TACC2: variants seen among roughly 807,000 people sequenced by gnomAD.
The protein encoded by TACC2 is transforming acidic coiled-coil-containing protein 2.
TACC2 carries 137 observed loss-of-function variants against 227.3 expected under a neutral mutation model. The observed-to-expected ratio is 0.60, with a 90% CI of 0.52 to 0.69. TACC2 has a LOEUF of 0.69. Ranked by LOEUF, TACC2 falls within the 30% of genes least tolerant of loss-of-function variation. The pLI, the probability that TACC2 is intolerant of heterozygous loss-of-function variation, is 0.00. For missense variants in TACC2, 3,470 were observed against 3,694.4 expected, an observed-to-expected ratio of 0.94 and a Z score of 1.57; for synonymous variants, 1,523 against 1,487.5, an observed-to-expected ratio of 1.02 and a Z score of -0.55.
At chr10:122,129,900 G>A (rs1025095199) in intron 5 of TACC2, among the ~76,000 whole-genome samples, 1 of 152,210 alleles carries the variant, frequency 6.6e-6, no homozygotes, top group Non-Finnish European at 1.5e-5. Flanking sequence ...TAGTCCAATC[G>A]TATTGAGAGG....
Position 122,132,702 on chromosome 10 carries a change from T to C in TACC2, c.5667T>C (p.Val1889=). Residue 1889 remains valine, a synonymous_variant, in exon 6 of 23, where the codon GTT becomes GTC. Transcript: ENST00000369005. ...CCTCTTCCTACCACGGTGATGTTGTTGGCCAGGTCTCTACGGATCTGATAG... is the reference window on the plus strand; with the variant it reads ...CCTCTTCCTACCACGGTGATGTTGTCGGCCAGGTCTCTACGGATCTGATAG... ...LAASSYHGDV[V]GQVSTDLIAQ... The C allele has an allele frequency of 6.2e-7, 1 of 1,614,176 alleles. No individual in the cohort carries two copies. Among genetic ancestry groups the C allele is most frequent in the Non-Finnish European group, 8.5e-7 (1 of 1,180,020 alleles).
chr10:122,184,802 G>GT (rs965677759), intron 7 of TACC2, among the ~76,000 whole-genome samples: 13 of 151,680 alleles, frequency 8.6e-5, no homozygotes, highest in African/African-American at 2.4e-4. Context: ...AATTTGCTGG[G>GT]TTTTTTTTCC....
At position 122,248,680 on chromosome 10, in the gene TACC2, G is replaced by A. The variant is rs2096184188; in HGVS notation, c.8430G>A (p.Thr2810=). ...GAGAGAAGTCAGTCTCCCACCAGAC[G>A]GTGCAGCAGCTGGTTCTGGAGAAGG... ...EQREKSVSHQ[T]VQQLVLEKEQ... Residue 2810 remains threonine (T), a synonymous_variant, in exon 20 of 23, where the codon ACG becomes ACA. Coordinates refer to ENST00000369005, the MANE Select transcript of TACC2 (RefSeq NM_206862.4). 3.1e-6 allele frequency: 5 copies of A among 1,613,712 alleles called. No homozygotes were observed. Among genetic ancestry groups the A allele is most frequent in the South Asian group, 2.2e-5 (2 of 91,044 alleles).
chr10:122,101,915 A>C (rs1592017519), intron 5 of TACC2, among the ~76,000 whole-genome samples: 1 of 151,820 alleles, frequency 6.6e-6, no homozygotes, highest in Middle Eastern at 3.2e-3. Context: ...AAAAAGGCAG[A>C]GTCTCAGGTG....
At chr10:122,077,877 T>C (rs1332213166) in intron 3 of TACC2, among the ~76,000 whole-genome samples, 1 of 151,978 alleles carries the variant, frequency 6.6e-6, no homozygotes, top group East Asian at 1.9e-4. Context: ...CAGGCTGTTG[T>C]GTGGATTAAG....
chr10:122,085,573 TC>T lies in TACC2; in HGVS notation c.3077del (p.Pro1026HisfsTer5), dbSNP rs778887227. The T allele has an allele frequency of 1.5e-5, 24 of 1,613,128 alleles. No individual in the cohort carries two copies. Among genetic ancestry groups the T allele is most frequent in the Non-Finnish European group, 2.0e-5 (24 of 1,180,036 alleles). ...AGCTTCTGAAGCAGCTGATGGTTGT[TC>T]CCCACTCTGGGGCTTGAGTAAGAGG... is the stretch of plus-strand genomic sequence containing the variant. ...PGASEAADGC[S>X]PLWGLSKREM... On this transcript the variant is annotated frameshift_variant, in exon 4 of 23. Coordinates refer to ENST00000369005, the MANE Select transcript of TACC2 (RefSeq NM_206862.4). LOFTEE classifies it high-confidence loss of function.
Position 122,038,033 on chromosome 10 carries a change from A to G in TACC2, c.34-12405A>G, listed in dbSNP as rs147502985. On this transcript the variant is annotated intron_variant, in intron 2 of 22. Transcript: ENST00000369005. ...AGTCACTCACCACTTGTACAGTCCA[A>G]TTAACAAGAGCTACAGGAGTTTGAG... Among the ~76,000 whole-genome samples the G allele has an allele frequency of 5.7e-3, 873 of 152,320 alleles. 7 individuals carry two copies. Among genetic ancestry groups the G allele is most frequent in the African/African-American group, 0.02 (824 of 41,568 alleles).
At chr10:122,128,876 GTCTC>G (rs146242546) in intron 5 of TACC2, among the ~76,000 whole-genome samples, 3 of 150,062 alleles carry the variant, frequency 2.0e-5, no homozygotes, top group South Asian at 2.1e-4. Flanking sequence ...TGCTTGCGCT[GTCTC>G]TCTCTCTCTC....
Position 122,085,945 on chromosome 10 carries a change from A to G in TACC2, c.3445A>G (p.Lys1149Glu), listed in dbSNP as rs780069470. ...GDPGKQQAPE[K>E]PGEATLSCGL... Reference sequence around the variant, plus strand: ...CCCAGGAAAGCAGCAGGCTCCGGAGAAACCTGGAGAAGCTACTTTGAGTTG... The same window carrying G: ...CCCAGGAAAGCAGCAGGCTCCGGAGGAACCTGGAGAAGCTACTTTGAGTTG... The change falls in exon 4 of 23, where the codon AAA becomes GAA. Residue 1149 changes from lysine to glutamate, a missense_variant. Lys to Glu is a moderately conservative substitution (Grantham distance 56). Coordinates refer to ENST00000369005, the MANE Select transcript of TACC2 (RefSeq NM_206862.4). 1 of 1,613,514 alleles carries G rather than the reference A, an allele frequency of 6.2e-7. No homozygotes were observed. Among genetic ancestry groups the G allele is most frequent in the South Asian group, 1.1e-5 (1 of 91,052 alleles).
At chr10:122,234,176 C>T (rs1256412600) in intron 16 of TACC2, among the ~76,000 whole-genome samples, 2 of 152,302 alleles carry the variant, frequency 1.3e-5, no homozygotes, top group East Asian at 1.9e-4. Flanking sequence ...CAGTGCTAGC[C>T]CCTCCCCTCC....
chr10:122,143,773 CT>C, intron 7 of TACC2, 67 bp downstream of exon 7: 2 of 1,561,328 alleles, frequency 1.3e-6, no homozygotes, highest in East Asian at 2.3e-5. Context: ...TCTCTGCCCC[CT>C]AGGTCTTGGG....
intron 5 of TACC2, among the ~76,000 whole-genome samples, chr10:122,094,985 G>A (rs2081224916): frequency 6.6e-6 from 1 of 152,174 alleles, no homozygotes; most frequent in Non-Finnish European, 1.5e-5. Context: ...ACTCTAGCTG[G>A]TGAGAGCTGC....
rs780903530 is a variant in TACC2 at position 122,216,674 on chromosome 10, G to A, written c.7392G>A (p.Ala2464=). Residue 2464 remains alanine (A), a synonymous_variant, in exon 11 of 23, where the codon GCG becomes GCA. Coordinates refer to ENST00000369005, the MANE Select transcript of TACC2 (RefSeq NM_206862.4). ...ATPETPPVIS[A]VVHATDEEKL... ...CAGAAACACCACCAGTGATCTCTGC[G>A]GTGGTCCACGCCACAGATGAGGAAA... The A allele has an allele frequency of 6.2e-6, 10 of 1,613,936 alleles. No homozygotes were observed. The highest frequency in any genetic ancestry group is 5.3e-5 in the African/African-American group (4 of 74,882).
chr10:122,167,355 AGAG>A (rs1282326766), intron 7 of TACC2, among the ~76,000 whole-genome samples: 2 of 152,258 alleles, frequency 1.3e-5, no homozygotes, highest in African/African-American at 4.8e-5. Context: ...GGGGGAGGGA[AGAG>A]AAGAGACAGT....
At chr10:122,030,328 T>C (rs7920239) in intron 2 of TACC2, among the ~76,000 whole-genome samples, 3,549 of 152,230 alleles carry the variant, frequency 0.023, 120 homozygotes, top group African/African-American at 0.076. Flanking sequence ...CAGAGACTCA[T>C]AGAAATGGAA....
rs1259307035 is a variant in TACC2 at position 122,062,142 on chromosome 10, T to G, written c.146+11592T>G. 2.0e-5 allele frequency among the ~76,000 whole-genome samples: 3 copies of G among 147,794 alleles called. No homozygotes were observed. The Admixed American group carries it at 2.1e-4, about 10-fold the overall frequency. On this transcript the variant is annotated intron_variant, in intron 3 of 22. Coordinates refer to ENST00000369005, the MANE Select transcript of TACC2 (RefSeq NM_206862.4). ...CCGCCTCCCTGGGTTCACTCCATTC[T>G]CTGCCTCAGCCTCCTGAGTAGCTGG...
chr10:122,191,764 GACA>G (rs1373704732), intron 7 of TACC2, among the ~76,000 whole-genome samples: 1 of 152,218 alleles, frequency 6.6e-6, no homozygotes, highest in African/African-American at 2.4e-5. Flanking sequence ...AGATTGTAAT[GACA>G]ACATTTCTCT....
At chr10:122,166,028 C>G (rs568960436) in intron 7 of TACC2, among the ~76,000 whole-genome samples, 2 of 152,286 alleles carry the variant, frequency 1.3e-5, no homozygotes, top group African/African-American at 4.8e-5. Context: ...AATGCATGCA[C>G]GTGAATAATA....
intron 1 of TACC2, among the ~76,000 whole-genome samples, chr10:122,011,778 A>C (rs771287555): frequency 6.6e-6 from 1 of 152,196 alleles, no homozygotes; most frequent in Non-Finnish European, 1.5e-5. Context: ...CAATGAATGG[A>C]GTGAACTCAC....
Sources: allele counts gnomAD v4.1 joint callset (sites outside exome capture counted in the v4.1 genomes callset), GRCh38; gene constraint gnomAD v4.1.1; transcripts MANE v1.5; gene names NCBI Gene and HGNC (gene_info 2026-07-23, HGNC 2026-07-21).